SEMA6D: variants seen among roughly 807,000 people sequenced by gnomAD.
The protein encoded by SEMA6D is semaphorin-6D.
A neutral mutation model predicts 106.6 loss-of-function variants in SEMA6D; 35 were observed. The observed-to-expected ratio is 0.33, with a 90% confidence interval of 0.25 to 0.44. SEMA6D has a LOEUF of 0.44. Ranked by LOEUF, SEMA6D falls within the 20% of genes least tolerant of loss-of-function variation. SEMA6D has a pLI of 1.00. For missense variants in SEMA6D, 1,185 were observed against 1,345.9 expected, an observed-to-expected ratio of 0.88 and a Z score of 1.87; for synonymous variants, 499 against 487.7, an observed-to-expected ratio of 1.02 and a Z score of -0.31.
At chr15:47,615,743 T>C (rs1029748928) in intron 4 of SEMA6D, among the ~76,000 whole-genome samples, 17 of 152,236 alleles carry the variant, frequency 1.1e-4, no homozygotes, top group African/African-American at 4.1e-4. Flanking sequence ...AGAAGGAAAT[T>C]CTATTTTATT....
chr15:47,514,202 A>G (rs946957454), intron 3 of SEMA6D, among the ~76,000 whole-genome samples: 4 of 152,082 alleles, frequency 2.6e-5, no homozygotes, highest in South Asian at 2.1e-4. Flanking sequence ...GTCTTCCTCT[A>G]TGTTTTTTCC....
At chr15:47,239,205 A>G (rs1276942139) in intron 1 of SEMA6D, among the ~76,000 whole-genome samples, 2 of 152,186 alleles carry the variant, frequency 1.3e-5, no homozygotes, top group Admixed American at 1.3e-4. Context: ...TCCTTATGAC[A>G]ATCTAATGCC....
chr15:47,348,431 C>T (rs573669329), intron 1 of SEMA6D, among the ~76,000 whole-genome samples: 1 of 152,174 alleles, frequency 6.6e-6, no homozygotes, highest in South Asian at 2.1e-4. Flanking sequence ...CATATGTCGG[C>T]TATTTTTATT....
chr15:47,488,099 G>A (rs559603725), intron 3 of SEMA6D, among the ~76,000 whole-genome samples: 3 of 152,104 alleles, frequency 2.0e-5, no homozygotes, highest in South Asian at 2.1e-4. Flanking sequence ...TCATCTGTTT[G>A]TACATTCCTG....
At chr15:47,518,934 A>G (rs914417571) in intron 3 of SEMA6D, among the ~76,000 whole-genome samples, 10 of 151,940 alleles carry the variant, frequency 6.6e-5, no homozygotes, top group Admixed American at 6.6e-4. Context: ...TCTATAATAT[A>G]ATAATAAAGG....
intron 3 of SEMA6D, among the ~76,000 whole-genome samples, chr15:47,524,352 G>T (rs943634888): frequency 3.3e-5 from 5 of 152,172 alleles, no homozygotes; most frequent in African/African-American, 1.2e-4. Flanking sequence ...GGTGGCTGGG[G>T]CCTGTGTTTC....
intron 1 of SEMA6D, among the ~76,000 whole-genome samples, chr15:47,286,216 A>G (rs1313972756): frequency 6.6e-6 from 1 of 152,162 alleles, no homozygotes; most frequent in African/African-American, 2.4e-5. Context: ...TCCAGTCTAC[A>G]GAGATTCTGA....
chr15:47,571,850 T>G (rs1286398516), intron 3 of SEMA6D, among the ~76,000 whole-genome samples: 1 of 152,210 alleles, frequency 6.6e-6, no homozygotes, highest in African/African-American at 2.4e-5. Flanking sequence ...GTGATGTGTG[T>G]GTGTACATGT....
At chr15:47,272,351 C>T (rs1222198451) in intron 1 of SEMA6D, among the ~76,000 whole-genome samples, 1 of 152,122 alleles carries the variant, frequency 6.6e-6, no homozygotes, top group Non-Finnish European at 1.5e-5. Flanking sequence ...GTATCTCTTA[C>T]CTGCAATTTA....
rs77838030 is a variant in SEMA6D at position 47,408,730 on chromosome 15, T to A, written c.-238-3663T>A. On this transcript the variant is annotated intron_variant, in intron 1 of 19. Transcript: ENST00000558014. ...CACACAGAGCCTGATGCTGTTAGGT[T>A]TAACGAAAGCAATTTGGATAAACTG... Among the ~76,000 whole-genome samples the A allele has an allele frequency of 6.5e-4, 99 of 152,312 alleles. No homozygotes were observed. In the East Asian group the frequency reaches 0.018, roughly 28 times the overall value.
At chr15:47,279,539 C>A (rs1026418425) in intron 1 of SEMA6D, among the ~76,000 whole-genome samples, 6 of 148,134 alleles carry the variant, frequency 4.1e-5, no homozygotes, top group Non-Finnish European at 8.9e-5. Context: ...GCCTAATTGC[C>A]CTGGCCAGAA....
At chr15:47,321,592 C>T (rs1314243190) in intron 1 of SEMA6D, among the ~76,000 whole-genome samples, 1 of 151,906 alleles carries the variant, frequency 6.6e-6, no homozygotes, top group African/African-American at 2.4e-5. Context: ...AAGAAATGAT[C>T]CCATAGTACA....
At chr15:47,404,081 T>A (rs1449541502) in intron 1 of SEMA6D, among the ~76,000 whole-genome samples, 2 of 152,188 alleles carry the variant, frequency 1.3e-5, no homozygotes, top group Non-Finnish European at 2.9e-5. Flanking sequence ...AAAGAAAACA[T>A]GCGTCTATCA....
chr15:47,466,845 G>T (rs2042677909), intron 2 of SEMA6D, among the ~76,000 whole-genome samples: 1 of 149,880 alleles, frequency 6.7e-6, no homozygotes. Flanking sequence ...TCCTGCCTCA[G>T]CCTCCCTAGT....
chr15:47,206,029 T>C (rs1001065303), intron 1 of SEMA6D, among the ~76,000 whole-genome samples: 1 of 152,240 alleles, frequency 6.6e-6, no homozygotes, highest in Non-Finnish European at 1.5e-5. Context: ...GATAATTCAG[T>C]ATCTTTAAAG....
intron 1 of SEMA6D, chr15:47,241,463 T>G (rs1405391753): frequency 1.3e-5 from 2 of 152,298 alleles, no homozygotes; most frequent in Admixed American, 1.3e-4. Context: ...TTCTGGAGCT[T>G]GATTTTGTTT....
At chr15:47,486,021 G>C (rs868083480) in intron 3 of SEMA6D, among the ~76,000 whole-genome samples, 1 of 152,160 alleles carries the variant, frequency 6.6e-6, no homozygotes, top group Non-Finnish European at 1.5e-5. Context: ...GTATGAGAGT[G>C]TGGTTAGGAG....
chr15:47,387,251 T>G (rs1265899909), intron 1 of SEMA6D, among the ~76,000 whole-genome samples: 1 of 152,230 alleles, frequency 6.6e-6, no homozygotes, highest in Non-Finnish European at 1.5e-5. Context: ...TCAAGGAAAT[T>G]TAAGGGAAGC....
chr15:47,196,823 C>T (rs891759658), intron 1 of SEMA6D, among the ~76,000 whole-genome samples: 1 of 152,092 alleles, frequency 6.6e-6, no homozygotes, highest in Non-Finnish European at 1.5e-5. Context: ...CTACAGCATC[C>T]ATTTATTCTC....
Sources: gnomAD v4.1 joint callset for allele counts (sites outside exome capture counted in the v4.1 genomes callset) on GRCh38, gnomAD v4.1.1 for gene constraint, MANE v1.5 for transcripts, NCBI Gene and HGNC (gene_info 2026-07-23, HGNC 2026-07-21) for gene names.